The following CNTNAP2 variants were observed in gnomAD, a reference collection of about 807,000 sequenced individuals.
CNTNAP2 encodes contactin-associated protein-like 2.
Under a neutral mutation model 155.2 loss-of-function variants are expected in CNTNAP2, and 98 were observed. That is an observed-to-expected ratio of 0.63 (90% CI 0.54 to 0.75). The LOEUF (loss-of-function observed/expected upper bound fraction) is 0.75. Among genes scored for constraint, CNTNAP2 ranks in the 30% least tolerant of loss-of-function variants. The pLI is 0.00. For missense variants in CNTNAP2, 1,727 were observed against 1,688.1 expected (o/e 1.02, Z -0.40); for synonymous variants, 651 against 631.2 (o/e 1.03, Z -0.47).
At chr7:146,406,471 C>T (rs1362308866) in intron 1 of CNTNAP2, among the ~76,000 whole-genome samples, 1 of 152,174 alleles carries the variant, frequency 6.6e-6, no homozygotes, top group African/African-American at 2.4e-5. Flanking sequence ...CAGAACTGGA[C>T]TTTTCTTTCT....
intron 18 of CNTNAP2, among the ~76,000 whole-genome samples, chr7:148,199,577 T>C (rs1795334917): frequency 6.6e-6 from 1 of 152,216 alleles, no homozygotes. Flanking sequence ...TTTCTTGGAC[T>C]CTATATAGCT....
intron 1 of CNTNAP2, among the ~76,000 whole-genome samples, chr7:146,316,486 AT>A (rs1165993383): frequency 6.6e-6 from 1 of 152,078 alleles, no homozygotes; most frequent in Non-Finnish European, 1.5e-5. Flanking sequence ...GGTTATTTAG[AT>A]AAAAGACTTA....
chr7:148,067,682 T>C (rs1803294370), intron 15 of CNTNAP2, among the ~76,000 whole-genome samples: 1 of 152,218 alleles, frequency 6.6e-6, no homozygotes, highest in Non-Finnish European at 1.5e-5. Flanking sequence ...TATTTGGGCT[T>C]CTCAGGTGAT....
intron 15 of CNTNAP2, among the ~76,000 whole-genome samples, chr7:148,114,886 C>G (rs532914388): frequency 5.0e-4 from 76 of 152,320 alleles, no homozygotes; most frequent in Admixed American, 9.1e-4. Flanking sequence ...CCCCAGTGAT[C>G]ACCCTTGGCA....
intron 8 of CNTNAP2, among the ~76,000 whole-genome samples, chr7:147,252,453 C>A (rs1424325622): frequency 6.6e-6 from 1 of 152,174 alleles, no homozygotes; most frequent in Non-Finnish European, 1.5e-5. Flanking sequence ...TTTCTAGTCT[C>A]ATCTCTTCTC....
intron 8 of CNTNAP2, among the ~76,000 whole-genome samples, chr7:147,194,060 C>G (rs1038793091): frequency 1.3e-5 from 2 of 151,738 alleles, no homozygotes; most frequent in African/African-American, 4.8e-5. Context: ...CTATTGACCC[C>G]TCCTCTAAGT....
At chr7:146,899,347 C>T in intron 3 of CNTNAP2, among the ~76,000 whole-genome samples, 1 of 152,088 alleles carries the variant, frequency 6.6e-6, no homozygotes, top group East Asian at 1.9e-4. Context: ...GTCCTGAAAC[C>T]AGCATACTCA....
At chr7:147,005,862 G>A (rs1007960017) in intron 3 of CNTNAP2, among the ~76,000 whole-genome samples, 1 of 151,966 alleles carries the variant, frequency 6.6e-6, no homozygotes, top group African/African-American at 2.4e-5. Context: ...AAAATAATCA[G>A]CTCAAAATAA....
chr7:146,766,329 T>C (rs562909354), intron 1 of CNTNAP2, among the ~76,000 whole-genome samples: 7 of 152,328 alleles, frequency 4.6e-5, no homozygotes, highest in African/African-American at 1.7e-4. Context: ...AGTTAAAAGA[T>C]GTGGGTCTGA....
At chr7:148,245,083 G>A (rs992650218) in intron 20 of CNTNAP2, among the ~76,000 whole-genome samples, 1 of 152,154 alleles carries the variant, frequency 6.6e-6, no homozygotes, top group Non-Finnish European at 1.5e-5. Flanking sequence ...GACTGGAGTT[G>A]ATTGAGAATA....
chr7:148,090,130 G>A lies in CNTNAP2; in HGVS notation c.2384-27988G>A, dbSNP rs931563141. Among the ~76,000 whole-genome samples, 8 of 151,922 alleles carry A rather than the reference G, an allele frequency of 5.3e-5. 1 individual carries two copies. Among genetic ancestry groups the A allele is most frequent in the Admixed American group, 5.2e-4 (8 of 15,240 alleles). ...CCAAATGAATTAAAGACTTAAATGTGACACCTGAAACTGTAAAGCTACTAG... is the reference window on the plus strand; with the variant it reads ...CCAAATGAATTAAAGACTTAAATGTAACACCTGAAACTGTAAAGCTACTAG... On this transcript the variant is annotated intron_variant, in intron 15 of 23. Transcript: ENST00000361727.
At chr7:146,120,468 G>A (rs1024477105) in intron 1 of CNTNAP2, among the ~76,000 whole-genome samples, 2 of 152,000 alleles carry the variant, frequency 1.3e-5, no homozygotes, top group Admixed American at 6.6e-5. Context: ...GCAAAATTGG[G>A]CAAAAAAATT....
intron 7 of CNTNAP2, among the ~76,000 whole-genome samples, 179 bp from the exon 8 acceptor site, chr7:147,132,066 C>G (rs1260026547): frequency 6.6e-6 from 1 of 152,108 alleles, no homozygotes; most frequent in East Asian, 1.9e-4. Flanking sequence ...GTCTTACACT[C>G]CAAGTAGATC....
intron 2 of CNTNAP2, among the ~76,000 whole-genome samples, chr7:146,785,879 G>C (rs557413738): frequency 1.3e-5 from 2 of 152,254 alleles, no homozygotes; most frequent in South Asian, 4.1e-4. Context: ...CATGGCTTTC[G>C]ACTTGTGCTG....
chr7:146,134,509 CCA>C (rs1797767723), intron 1 of CNTNAP2, among the ~76,000 whole-genome samples: 1 of 151,582 alleles, frequency 6.6e-6, no homozygotes, highest in African/African-American at 2.4e-5. Flanking sequence ...GGGAATGCTT[CCA>C]GTTTTTACCC....
At chr7:146,631,431 A>T (rs1380232943) in intron 1 of CNTNAP2, among the ~76,000 whole-genome samples, 1 of 152,134 alleles carries the variant, frequency 6.6e-6, no homozygotes, top group Non-Finnish European at 1.5e-5. Flanking sequence ...TGCCTCCTAC[A>T]CTGAACTAAA....
At chr7:147,708,389 G>T (rs1453226415) in intron 13 of CNTNAP2, among the ~76,000 whole-genome samples, 1 of 152,144 alleles carries the variant, frequency 6.6e-6, no homozygotes, top group Non-Finnish European at 1.5e-5. Flanking sequence ...CTGCAGGTGA[G>T]GAATGTCAAT....
chr7:146,406,792 G>T (rs1481969081), intron 1 of CNTNAP2, among the ~76,000 whole-genome samples: 1 of 152,164 alleles, frequency 6.6e-6, no homozygotes, highest in Admixed American at 6.5e-5. Context: ...TGCTCTAATG[G>T]TTCAGGGCTA....
intron 1 of CNTNAP2, among the ~76,000 whole-genome samples, chr7:146,168,263 C>A (rs1258100154): frequency 2.0e-5 from 3 of 152,070 alleles, no homozygotes; most frequent in Non-Finnish European, 4.4e-5. Flanking sequence ...CCATCACAGT[C>A]ATGTATTATA....
Sources: gnomAD v4.1 joint callset for allele counts (sites outside exome capture counted in the v4.1 genomes callset) on GRCh38, gnomAD v4.1.1 for gene constraint, MANE v1.5 for transcripts, NCBI Gene and HGNC (gene_info 2026-07-23, HGNC 2026-07-21) for gene names.